Variants in AGTPBP1 observed in about 807,000 individuals in gnomAD.
The protein encoded by AGTPBP1 is cytosolic carboxypeptidase 1.
Under a neutral mutation model 143.9 loss-of-function variants are expected in AGTPBP1, and 70 were observed. The observed-to-expected ratio is 0.49, with a 90% CI of 0.40 to 0.59. The LOEUF (loss-of-function observed/expected upper bound fraction) is 0.59. Ranked by LOEUF, AGTPBP1 falls within the 20% of genes least tolerant of loss-of-function variation. The pLI is 0.00. For synonymous variants in AGTPBP1, 463 were observed against 500.2 expected, an observed-to-expected ratio of 0.93 and a Z score of 0.99; for missense variants, 1,229 against 1,464.5, an observed-to-expected ratio of 0.84 and a Z score of 2.62.
At chr9:85,720,911 A>T (rs1357574788) in intron 1 of AGTPBP1, among the ~76,000 whole-genome samples, 3 of 152,134 alleles carry the variant, frequency 2.0e-5, no homozygotes, top group African/African-American at 7.2e-5. Context: ...CTCTGCCTTC[A>T]TTCCGTTATG....
At chr9:85,597,644 G>A (rs1564048522) in intron 17 of AGTPBP1, among the ~76,000 whole-genome samples, 1 of 152,032 alleles carries the variant, frequency 6.6e-6, no homozygotes, top group Non-Finnish European at 1.5e-5. Context: ...CACTTAGGTG[G>A]TAAATGCTAT....
At chr9:85,578,890 T>C (rs1187982738) in intron 24 of AGTPBP1, 30 bp downstream of exon 24, 1 of 1,602,466 alleles carries the variant, frequency 6.2e-7, no homozygotes, top group Non-Finnish European at 8.5e-7. Context: ...TCAAATATCT[T>C]TCATGGTTAG....
chr9:85,602,457 AAAAAAAGAAT>A (rs1329158159), intron 17 of AGTPBP1, among the ~76,000 whole-genome samples: 1 of 152,194 alleles, frequency 6.6e-6, no homozygotes, highest in African/African-American at 2.4e-5. Context: ...ACAAATAAAG[AAAAAAAGAAT>A]AAAAAAGAAT....
rs556775244 is a variant in AGTPBP1 at position 85,692,038 on chromosome 9, A to G, written c.157+651T>C. Among the ~76,000 whole-genome samples, 5 of 152,284 alleles carry G rather than the reference A, an allele frequency of 3.3e-5. No homozygotes were observed. The East Asian group carries it at 7.7e-4, about 24-fold the overall frequency. The stretch of plus-strand genomic sequence containing the variant: ...TCCCTAAGGTACCCAACCACTAAAT[A>G]GTAGAGCCTGAATTTCAAAGTGAGG... On this transcript the variant is annotated intron_variant, in intron 3 of 25. Transcript: ENST00000357081.
intron 2 of AGTPBP1, among the ~76,000 whole-genome samples, chr9:85,707,776 T>A (rs959140851): frequency 4.6e-5 from 7 of 152,022 alleles, no homozygotes; most frequent in African/African-American, 1.7e-4. Context: ...AGATCAGAAA[T>A]CCAAAACCAG....
At chr9:85,747,518 T>G in the AGTPBP1 span, among the ~76,000 whole-genome samples, 2 of 152,212 alleles carry the variant, frequency 1.3e-5, no homozygotes, top group Admixed American at 6.5e-5. Context: ...GGGAAGTCTT[T>G]CCATTTGTTT....
intron 9 of AGTPBP1, among the ~76,000 whole-genome samples, chr9:85,658,273 T>G (rs1833650967): frequency 6.6e-6 from 1 of 152,312 alleles, no homozygotes; most frequent in Admixed American, 6.5e-5. Context: ...AATAGTGCTT[T>G]CTGGCTTTCT....
intron 6 of AGTPBP1, among the ~76,000 whole-genome samples, chr9:85,673,632 T>C (rs1834631047): frequency 6.6e-6 from 1 of 152,142 alleles, no homozygotes. Context: ...TTAAGATTTA[T>C]AGTAGACATT....
chr9:85,618,925 C>G (rs1455237371), intron 17 of AGTPBP1, 58 bp downstream of exon 17: 84 of 1,492,498 alleles, frequency 5.6e-5, no homozygotes, highest in Non-Finnish European at 7.3e-5. Context: ...AAAAAAACTT[C>G]TTTTCCACAG....
At chr9:85,579,610 G>C (rs543889645) in intron 23 of AGTPBP1, among the ~76,000 whole-genome samples, 7 of 150,284 alleles carry the variant, frequency 4.7e-5, no homozygotes, top group Middle Eastern at 6.9e-3. Flanking sequence ...TGGGGCGAGG[G>C]GGGGGGTGTA....
At chr9:85,704,271 G>C (rs2134397248) in intron 2 of AGTPBP1, among the ~76,000 whole-genome samples, 1 of 152,212 alleles carries the variant, frequency 6.6e-6, no homozygotes, top group South Asian at 2.1e-4. Flanking sequence ...GATGACCAGA[G>C]GAGAGAGAGC....
intron 24 of AGTPBP1, among the ~76,000 whole-genome samples, chr9:85,577,167 G>C (rs917788558): frequency 1.3e-5 from 2 of 152,046 alleles, no homozygotes; most frequent in Admixed American, 6.6e-5. Context: ...TAGTGACAAA[G>C]CACTACTATT....
At chr9:85,607,757 A>C (rs1048548482) in intron 17 of AGTPBP1, among the ~76,000 whole-genome samples, 1 of 152,130 alleles carries the variant, frequency 6.6e-6, no homozygotes, top group African/African-American at 2.4e-5. Context: ...ATGTACTATA[A>C]ATCACAGATT....
At chr9:85,752,859 T>A in the AGTPBP1 span, among the ~76,000 whole-genome samples, 2 of 152,020 alleles carry the variant, frequency 1.3e-5, no homozygotes, top group Non-Finnish European at 2.9e-5. Context: ...AAAAAATTTT[T>A]AAAAAATTAG....
chr9:85,711,953 T>G (rs1332507540), intron 2 of AGTPBP1, among the ~76,000 whole-genome samples: 2 of 152,206 alleles, frequency 1.3e-5, no homozygotes, highest in African/African-American at 2.4e-5. Context: ...AAAATACTAT[T>G]TTTTTAACCA....
chr9:85,673,887 G>A (rs1834649540), intron 6 of AGTPBP1, among the ~76,000 whole-genome samples: 1 of 152,080 alleles, frequency 6.6e-6, no homozygotes, highest in Admixed American at 6.5e-5. Flanking sequence ...TTGGGAGGCT[G>A]AGGTGGGTGG....
chr9:85,669,846 T>C (rs965768683), intron 7 of AGTPBP1, among the ~76,000 whole-genome samples: 7 of 151,188 alleles, frequency 4.6e-5, no homozygotes, highest in African/African-American at 1.7e-4. Context: ...AGTTACTCTA[T>C]ATTTCTCTAA....
chr9:85,704,005 A>G (rs114667302), intron 2 of AGTPBP1, among the ~76,000 whole-genome samples: 1 of 152,224 alleles, frequency 6.6e-6, no homozygotes, highest in Non-Finnish European at 1.5e-5. Context: ...TAAAAGTTAA[A>G]TAAGACAGAA....
intron 12 of AGTPBP1, 43 bp downstream of exon 12, chr9:85,646,278 A>G (rs187486518): frequency 1.8e-5 from 25 of 1,417,152 alleles, no homozygotes; most frequent in Non-Finnish European, 1.6e-5. Context: ...CAACTGTAGT[A>G]TATCATTTAT....
Sources: gnomAD v4.1 joint callset for allele counts (sites outside exome capture counted in the v4.1 genomes callset) on GRCh38, gnomAD v4.1.1 for gene constraint, MANE v1.5 for transcripts, NCBI Gene and HGNC (gene_info 2026-07-23, HGNC 2026-07-21) for gene names.